Variants in NRXN3 observed in about 807,000 individuals in gnomAD.
The protein encoded by NRXN3 is neurexin 3.
NRXN3 carries 32 observed loss-of-function variants against 137.6 expected under a neutral mutation model. The ratio of observed to expected loss-of-function variants is 0.23; its 90% CI spans 0.18 to 0.31. NRXN3 has a LOEUF of 0.31. Ranked by LOEUF, NRXN3 falls within the 10% of genes least tolerant of loss-of-function variation. The probability of loss-of-function intolerance (pLI) is 1.00; values close to 1 mark genes in which losing one functional copy is unlikely to be tolerated. For synonymous variants in NRXN3, 798 were observed against 784.5 expected, an observed-to-expected ratio of 1.02 and a Z score of -0.29; for missense variants, 1,574 against 2,062.5, an observed-to-expected ratio of 0.76 and a Z score of 4.59.
At chr14:79,048,817 G>A (rs1422181661) in intron 15 of NRXN3, among the ~76,000 whole-genome samples, 2 of 149,802 alleles carry the variant, frequency 1.3e-5, no homozygotes, top group Non-Finnish European at 3.0e-5. Context: ...GAGGTCAGGA[G>A]ATCGAGACCA....
chr14:79,584,951 G>T (rs2097754049), intron 16 of NRXN3, among the ~76,000 whole-genome samples: 1 of 152,194 alleles, frequency 6.6e-6, no homozygotes, highest in Non-Finnish European at 1.5e-5. Context: ...TCATCATGTA[G>T]CTGGGATATT....
At chr14:79,855,850 G>T (rs1212872113) in intron 20 of NRXN3, among the ~76,000 whole-genome samples, 2 of 152,078 alleles carry the variant, frequency 1.3e-5, no homozygotes, top group African/African-American at 2.4e-5. Flanking sequence ...ATGGTTTGAG[G>T]TAGGGTATTT....
chr14:78,258,381 A>T (rs1038713689), intron 2 of NRXN3, among the ~76,000 whole-genome samples: 8 of 150,416 alleles, frequency 5.3e-5, no homozygotes. Flanking sequence ...TGCAGATCCT[A>T]TAGGACCCTT....
intron 5 of NRXN3, 82 bp from the exon 6 acceptor site, chr14:78,651,083 A>G (rs2097737404): frequency 7.8e-7 from 1 of 1,282,716 alleles, no homozygotes; most frequent in Non-Finnish European, 1.1e-6. Context: ...AAGTGATGCC[A>G]CAAGTAGGGG....
At chr14:78,894,613 A>C (rs1333678201) in intron 10 of NRXN3, among the ~76,000 whole-genome samples, 1 of 151,938 alleles carries the variant, frequency 6.6e-6, no homozygotes, top group Non-Finnish European at 1.5e-5. Context: ...ATGAATCACG[A>C]ATGTTCTTTA....
intron 2 of NRXN3, among the ~76,000 whole-genome samples, chr14:78,250,271 G>A (rs1288429075): frequency 6.6e-6 from 1 of 152,196 alleles, no homozygotes; most frequent in African/African-American, 2.4e-5. Context: ...TCATGGAGTT[G>A]TTGAAAGGAT....
chr14:79,322,112 T>C (rs1227917476), intron 15 of NRXN3, among the ~76,000 whole-genome samples: 1 of 152,192 alleles, frequency 6.6e-6, no homozygotes, highest in Non-Finnish European at 1.5e-5. Flanking sequence ...ATATGTATGA[T>C]ATATGACTTT....
intron 15 of NRXN3, among the ~76,000 whole-genome samples, chr14:79,140,817 C>G (rs1351164738): frequency 6.6e-6 from 1 of 152,112 alleles, no homozygotes; most frequent in Non-Finnish European, 1.5e-5. Flanking sequence ...ATAAACAAAA[C>G]CTTGTCCTTA....
At chr14:78,232,912 G>A (rs1347698919) in intron 1 of NRXN3, among the ~76,000 whole-genome samples, 1 of 152,220 alleles carries the variant, frequency 6.6e-6, no homozygotes, top group African/African-American at 2.4e-5. Context: ...AGCTTCTTGG[G>A]TTCCTGGCTG....
chr14:79,424,786 C>CA (rs2095630043), intron 15 of NRXN3, among the ~76,000 whole-genome samples: 2 of 152,104 alleles, frequency 1.3e-5, no homozygotes, highest in Non-Finnish European at 2.9e-5. Flanking sequence ...TCTCCTCCCT[C>CA]CCCCCAATAT....
intron 4 of NRXN3, among the ~76,000 whole-genome samples, chr14:78,509,133 C>T (rs548531466): frequency 5.5e-4 from 83 of 152,170 alleles, no homozygotes; most frequent in African/African-American, 1.9e-3. Context: ...AACCTTGTCT[C>T]TACTAAAAAT....
At chr14:78,360,140 T>A (rs180799446) in intron 4 of NRXN3, among the ~76,000 whole-genome samples, 1 of 152,176 alleles carries the variant, frequency 6.6e-6, no homozygotes, top group East Asian at 1.9e-4. Flanking sequence ...GGCTTCTAAT[T>A]CCCTCCTGAT....
intron 15 of NRXN3, among the ~76,000 whole-genome samples, chr14:79,425,993 G>T (rs1297172532): frequency 6.6e-6 from 1 of 152,004 alleles, no homozygotes; most frequent in African/African-American, 2.4e-5. Flanking sequence ...AGTCTGGAGA[G>T]AAGGGGAGAG....
At chr14:79,116,490 T>A (rs1026589387) in intron 15 of NRXN3, among the ~76,000 whole-genome samples, 1 of 152,220 alleles carries the variant, frequency 6.6e-6, no homozygotes. Context: ...GCTTAGTTAC[T>A]GTTTGCATGT....
At chr14:79,721,570 T>C (rs2098844720) in intron 19 of NRXN3, among the ~76,000 whole-genome samples, 1 of 152,086 alleles carries the variant, frequency 6.6e-6, no homozygotes, top group African/African-American at 2.4e-5. Context: ...ATTAGGGGAA[T>C]TGAAGGAATG....
At chr14:79,130,316 T>C (rs903195337) in intron 15 of NRXN3, among the ~76,000 whole-genome samples, 2 of 151,506 alleles carry the variant, frequency 1.3e-5, no homozygotes, top group Non-Finnish European at 2.9e-5. Context: ...GCGGCTGGTA[T>C]CAGTTGTTCC....
At chr14:79,332,015 G>A (rs913474607) in intron 15 of NRXN3, among the ~76,000 whole-genome samples, 6 of 152,184 alleles carry the variant, frequency 3.9e-5, no homozygotes, top group Admixed American at 3.9e-4. Context: ...GTATCTTATA[G>A]TGTTAGCAAT....
At position 79,059,764 on chromosome 14, in the gene NRXN3, G is replaced by A. The variant is rs562879924; in HGVS notation, c.3262+71623G>A. ...AAATTCTCATAACCCCAACTGGATG[G>A]TAGATGAATATGAGGAAGAGGGGAA... is the stretch of plus-strand genomic sequence containing the variant. On this transcript the variant is annotated intron_variant, in intron 15 of 20. Transcript: ENST00000335750. 2.0e-5 allele frequency among the ~76,000 whole-genome samples: 3 copies of A among 152,298 alleles called. No individual in the cohort carries two copies. In the South Asian group the frequency reaches 6.2e-4, roughly 32 times the overall value.
intron 1 of NRXN3, among the ~76,000 whole-genome samples, chr14:78,232,784 A>G (rs2065626854): frequency 6.6e-6 from 1 of 151,552 alleles, no homozygotes; most frequent in South Asian, 2.1e-4. Flanking sequence ...TAAATTATTA[A>G]CTCTCCCAGC....
Sources: gnomAD v4.1 joint callset for allele counts (sites outside exome capture counted in the v4.1 genomes callset) on GRCh38, gnomAD v4.1.1 for gene constraint, MANE v1.5 for transcripts, NCBI Gene and HGNC (gene_info 2026-07-23, HGNC 2026-07-21) for gene names.